The following NOMO1 variants were observed in gnomAD, a reference collection of about 807,000 sequenced individuals.
NOMO1 encodes NODAL modulator 1.
Under a neutral mutation model 133.8 loss-of-function variants are expected in NOMO1, and 40 were observed. The observed-to-expected ratio is 0.30, with a 90% CI of 0.23 to 0.39. The LOEUF (loss-of-function observed/expected upper bound fraction) is 0.39. Ranked by LOEUF, NOMO1 falls within the 10% of genes least tolerant of loss-of-function variation. The pLI is 1.00. For missense variants in NOMO1, 462 were observed against 1,419.9 expected (o/e 0.33, Z 10.84); for synonymous variants, 236 against 570.5 (o/e 0.41, Z 8.36).
intron 15 of NOMO1, among the ~76,000 whole-genome samples, chr16:14,867,894 CTTT>C (rs1358293793): frequency 9.3e-6 from 1 of 107,514 alleles, no homozygotes. Context: ...TAATAAGATC[CTTT>C]TTTTTTTTTT....
intron 11 of NOMO1, among the ~76,000 whole-genome samples, chr16:14,858,595 G>A (rs1963877546): frequency 6.6e-6 from 1 of 151,980 alleles, no homozygotes; most frequent in African/African-American, 2.4e-5. Context: ...GGCTGCGGGT[G>A]TAAAGCTGGG....
chr16:14,860,983 T>C (rs1963916352), intron 11 of NOMO1, among the ~76,000 whole-genome samples: 2 of 144,744 alleles, frequency 1.4e-5, no homozygotes, highest in African/African-American at 5.2e-5. Context: ...GCCTCCTGAG[T>C]AGCTGGGATT....
At chr16:14,873,670 AT>A (rs1745282951) in intron 18 of NOMO1, among the ~76,000 whole-genome samples, 1 of 149,896 alleles carries the variant, frequency 6.7e-6, no homozygotes, top group South Asian at 2.1e-4. Context: ...GTAACTGCAT[AT>A]TACCTCCTTT....
Position 14,895,860 on chromosome 16 carries a change from GTCACTC to G in NOMO1, c.*217_*222del, listed in dbSNP as rs1964491632. 1.3e-6 allele frequency: 2 copies of G among 1,555,826 alleles called. No individual in the cohort carries two copies. The highest frequency in any genetic ancestry group is 2.7e-5 in the African/African-American group (2 of 73,418). ...TGCAATGCAATGAATGGACCCTCCT[GTCACTC>G]TGCTGAACAGAATTTATTTTCTGAG... On this transcript the variant is annotated 3_prime_UTR_variant, in exon 31 of 31. Transcript: ENST00000287667.
At chr16:14,839,320 T>C (rs1353461379) in intron 2 of NOMO1, among the ~76,000 whole-genome samples, 3 of 151,998 alleles carry the variant, frequency 2.0e-5, no homozygotes, top group African/African-American at 2.4e-5. Flanking sequence ...CCTCCCAAAG[T>C]GCTGGGATTA....
chr16:14,884,080 G>A (rs970066503), intron 26 of NOMO1, among the ~76,000 whole-genome samples: 1 of 146,820 alleles, frequency 6.8e-6, no homozygotes. Context: ...TTTAAGAGAA[G>A]CTGGAAAATC....
In NOMO1 at chr16:14,886,803, A is replaced by T. The variant is rs541893751; in HGVS notation, c.3265A>T (p.Thr1089Ser). 1.9e-6 allele frequency: 3 copies of T among 1,611,636 alleles called. No individual in the cohort carries two copies. In the East Asian group the frequency reaches 6.7e-5, roughly 36 times the overall value. The change falls in exon 28 of 31, where the codon ACA becomes TCA. Residue 1089 changes from threonine to serine, a missense_variant. Transcript: ENST00000287667. ...CGAAAACCTCGACAATCCAATCCAG[A>T]CAGTTTCCCTTGGCCAGTCCCTGTT... is the stretch of plus-strand genomic sequence containing the variant. ...KSENLDNPIQ[T>S]VSLGQSLFFH...
At chr16:14,892,647 TG>T (rs1484169382) in intron 29 of NOMO1, among the ~76,000 whole-genome samples, 1 of 149,612 alleles carries the variant, frequency 6.7e-6, no homozygotes. Flanking sequence ...TGCTGGGGCT[TG>T]GATTCCCGAG....
chr16:14,864,585 G>T lies in NOMO1; in HGVS notation c.1396G>T (p.Val466Leu), dbSNP rs781419601. 6.2e-7 allele frequency: 1 copy of T among 1,612,904 alleles called. No individual in the cohort carries two copies. Among genetic ancestry groups the T allele is most frequent in the African/African-American group, 1.3e-5 (1 of 74,662 alleles). ...TAACGTTCCATCCACGTTTCCACAGGTGATGGTTCCTGAGGCAGAAACCAG... is the reference window on the plus strand; with the variant it reads ...TAACGTTCCATCCACGTTTCCACAGTTGATGGTTCCTGAGGCAGAAACCAG... ...KAKPGTYKVQ[V>L]MVPEAETRAG... is the part of the protein sequence containing the mutation. The change falls in exon 13 of 31, where the codon GTG (valine) becomes TTG (leucine). Residue 466 changes from valine to leucine, a missense_variant and splice_region_variant. Val to Leu is a conservative substitution (Grantham distance 32, BLOSUM62 1). Transcript: ENST00000287667.
At chr16:14,894,232 T>G (rs889095215) in intron 29 of NOMO1, among the ~76,000 whole-genome samples, 1 of 152,072 alleles carries the variant, frequency 6.6e-6, no homozygotes, top group Non-Finnish European at 1.5e-5. Context: ...GCCCCTTCTG[T>G]CTCATTGCGC....
At chr16:14,849,484 T>C (rs1458866276) in intron 6 of NOMO1, among the ~76,000 whole-genome samples, 1 of 36,588 alleles carries the variant, frequency 2.7e-5, no homozygotes, top group African/African-American at 1.2e-4. Context: ...TCAGCAGTAA[T>C]GAATGAACCA....
chr16:14,873,509 C>CTG (rs984972933), intron 18 of NOMO1, among the ~76,000 whole-genome samples: 2 of 145,874 alleles, frequency 1.4e-5, no homozygotes, highest in African/African-American at 5.0e-5. Context: ...AATGTCAGGG[C>CTG]TGGCCCTGGT....
Position 14,865,004 on chromosome 16 carries a change from C to T in NOMO1, c.1538-20C>T. ...GCCTTATAAGGGGTCACATGGAGCCCTCCCTTCTTTTCCCTGCAGACACCT... is the reference window on the plus strand; with the variant it reads ...GCCTTATAAGGGGTCACATGGAGCCTTCCCTTCTTTTCCCTGCAGACACCT... On this transcript the variant is annotated intron_variant, in intron 13 of 30. Transcript: ENST00000287667. 6.2e-7 allele frequency: 1 copy of T among 1,608,824 alleles called. No homozygotes were observed. Among genetic ancestry groups the T allele is most frequent in the South Asian group, 1.1e-5 (1 of 90,868 alleles).
intron 2 of NOMO1, 95 bp downstream of exon 2, chr16:14,838,591 C>T (rs1963556820): frequency 1.4e-6 from 2 of 1,390,996 alleles, no homozygotes; most frequent in East Asian, 4.6e-5. Context: ...AGCAAATGCT[C>T]ATCTGTTTTG....
At chr16:14,878,321 C>T (rs1305761334) in intron 22 of NOMO1, among the ~76,000 whole-genome samples, 5 of 129,618 alleles carry the variant, frequency 3.9e-5, no homozygotes, top group African/African-American at 8.8e-5. Flanking sequence ...TGGCAAGACC[C>T]GTCTCTATAA....
chr16:14,876,592 C>T, intron 21 of NOMO1, 72 bp from the exon 22 acceptor site: 9 of 1,611,074 alleles, frequency 5.6e-6, no homozygotes, highest in Non-Finnish European at 7.6e-6. Flanking sequence ...GCCCACATTT[C>T]CTTGGGCTTG....
At chr16:14,845,560 T>A (rs137983270) in intron 4 of NOMO1, among the ~76,000 whole-genome samples, 1 of 151,908 alleles carries the variant, frequency 6.6e-6, no homozygotes, top group African/African-American at 2.4e-5. Context: ...AGAGTCCTAA[T>A]GGGTGTGTGC....
At chr16:14,873,717 G>A (rs1964111260) in intron 18 of NOMO1, among the ~76,000 whole-genome samples, 1 of 151,730 alleles carries the variant, frequency 6.6e-6, no homozygotes, top group South Asian at 2.1e-4. Flanking sequence ...ACTTCACAAG[G>A]GTGTTTGTGT....
At chr16:14,851,157 A>G (rs1233097531) in intron 6 of NOMO1, among the ~76,000 whole-genome samples, 3 of 151,182 alleles carry the variant, frequency 2.0e-5, no homozygotes, top group Admixed American at 6.6e-5. Context: ...TTTAAGGTTT[A>G]CATTGTATGT....
Sources: gnomAD v4.1 joint callset for allele counts (sites outside exome capture counted in the v4.1 genomes callset) on GRCh38, gnomAD v4.1.1 for gene constraint, MANE v1.5 for transcripts, NCBI Gene and HGNC (gene_info 2026-07-23, HGNC 2026-07-21) for gene names.